The following COL24A1 variants were observed in gnomAD, a reference collection of about 807,000 sequenced individuals.
COL24A1 encodes the protein collagen alpha-1(XXIV) chain.
A neutral mutation model predicts 253.9 loss-of-function variants in COL24A1; 224 were observed. That is an observed-to-expected ratio of 0.88 (90% CI 0.79 to 0.99). The LOEUF (loss-of-function observed/expected upper bound fraction) is 0.99, where lower values mean the gene tolerates loss of function less well. Among genes scored for constraint, COL24A1 ranks in the 50% least tolerant of loss-of-function variants. The pLI is 0.00. For synonymous variants in COL24A1, 685 were observed against 673.7 expected, an observed-to-expected ratio of 1.02 and a Z score of -0.26; for missense variants, 2,131 against 2,068.5, an observed-to-expected ratio of 1.03 and a Z score of -0.59.
At chr1:85,911,532 C>T (rs1571187901) in intron 24 of COL24A1, 99 bp from the exon 25 acceptor site, 1 of 962,006 alleles carries the variant, frequency 1.0e-6, no homozygotes, top group East Asian at 2.4e-5. Flanking sequence ...TTCTTTCTAA[C>T]TTATCCTAAA....
chr1:85,855,926 T>C (rs1027579837), intron 37 of COL24A1, among the ~76,000 whole-genome samples: 6 of 152,014 alleles, frequency 3.9e-5, no homozygotes, highest in Admixed American at 2.0e-4. Context: ...TCTTGGGAGG[T>C]TGTATGTTTC....
At position 85,907,221 on chromosome 1, in the gene COL24A1, A is replaced by G. The variant is rs1282647500; in HGVS notation, c.2751T>C (p.Pro917=). Residue 917 remains proline, a synonymous_variant, in exon 28 of 60, where the codon CCT becomes CCC. Transcript: ENST00000370571. Reference sequence around the variant, plus strand: ...TTTGTCCTTTAGGACCTTGACTCCCAGGTGGTCCTCTTGCCCCCACATGAC... The same window carrying G: ...TTTGTCCTTTAGGACCTTGACTCCCGGGTGGTCCTCTTGCCCCCACATGAC... ...LPGHVGARGP[P]GSQGPKGQRG... is the part of the protein sequence containing the mutation. 6.2e-7 allele frequency: 1 copy of G among 1,611,494 alleles called. No homozygotes were observed. Among genetic ancestry groups the G allele is most frequent in the Non-Finnish European group, 8.5e-7 (1 of 1,178,184 alleles).
intron 20 of COL24A1, among the ~76,000 whole-genome samples, chr1:85,972,355 CTCTATACTT>C (rs554976736): frequency 1.8e-3 from 271 of 152,122 alleles, no homozygotes; most frequent in African/African-American, 5.9e-3. Flanking sequence ...TTATATTTTG[CTCTATACTT>C]TCTATACTTT....
intron 5 of COL24A1, among the ~76,000 whole-genome samples, chr1:86,092,996 C>T (rs573746652): frequency 6.6e-6 from 1 of 152,016 alleles, no homozygotes; most frequent in South Asian, 2.1e-4. Context: ...AACAATTTGT[C>T]ATATCTCAAA....
intron 47 of COL24A1, among the ~76,000 whole-genome samples, chr1:85,787,794 G>A (rs942358335): frequency 1.3e-5 from 2 of 152,108 alleles, no homozygotes; most frequent in South Asian, 2.1e-4. Flanking sequence ...TAAGGTCTTC[G>A]AGGAATCACC....
At chr1:85,957,628 A>G (rs1462710061) in intron 24 of COL24A1, among the ~76,000 whole-genome samples, 3 of 152,144 alleles carry the variant, frequency 2.0e-5, no homozygotes. Context: ...TGTTATCTCA[A>G]ATATCTTCCA....
chr1:85,981,000 A>C (rs1693201592), intron 20 of COL24A1, among the ~76,000 whole-genome samples: 1 of 152,228 alleles, frequency 6.6e-6, no homozygotes, highest in Non-Finnish European at 1.5e-5. Flanking sequence ...GAAATCATAG[A>C]TGACATAAGC....
At chr1:86,066,749 T>G (rs554850908) in intron 7 of COL24A1, among the ~76,000 whole-genome samples, 1 of 152,324 alleles carries the variant, frequency 6.6e-6, no homozygotes, top group South Asian at 2.1e-4. Context: ...TGCTAATTTT[T>G]TATTGCTTAA....
At chr1:85,916,306 AGTTT>A (rs1392125096) in intron 24 of COL24A1, among the ~76,000 whole-genome samples, 2 of 152,122 alleles carry the variant, frequency 1.3e-5, no homozygotes, top group Non-Finnish European at 2.9e-5. Context: ...AGGGCATCTG[AGTTT>A]TTTACTTCAT....
chr1:85,910,586 T>G (rs1412747762), intron 25 of COL24A1, among the ~76,000 whole-genome samples: 1 of 152,014 alleles, frequency 6.6e-6, no homozygotes, highest in Admixed American at 6.6e-5. Context: ...AATAACTAAT[T>G]GGGTGAAAAA....
intron 24 of COL24A1, among the ~76,000 whole-genome samples, chr1:85,934,867 G>A (rs1225848890): frequency 6.6e-6 from 1 of 151,842 alleles, no homozygotes; most frequent in Non-Finnish European, 1.5e-5. Flanking sequence ...CAGTCACTGA[G>A]CCATAGCCAG....
At chr1:85,840,381 G>T (rs918947493) in intron 42 of COL24A1, among the ~76,000 whole-genome samples, 8 of 151,998 alleles carry the variant, frequency 5.3e-5, no homozygotes, top group African/African-American at 1.9e-4. Flanking sequence ...CTCTATATGA[G>T]ATGGCTTGAT....
intron 10 of COL24A1, among the ~76,000 whole-genome samples, chr1:86,055,957 A>G (rs1559139145): frequency 1.3e-5 from 2 of 151,948 alleles, no homozygotes; most frequent in African/African-American, 4.8e-5. Context: ...ATCTCTACTA[A>G]AAATACAAAA....
chr1:86,118,728 T>A lies in COL24A1; in HGVS notation c.1492-3350A>T, dbSNP rs765677427. On this transcript the variant is annotated intron_variant, in intron 3 of 59. Coordinates refer to ENST00000370571, the MANE Select transcript of COL24A1 (RefSeq NM_152890.7). ...GGTGGACCTAATTTATATTGTGATG[T>A]CAGAGAAGGCTTTTCTGAAGAAGTA... is the stretch of plus-strand genomic sequence containing the variant. Among the ~76,000 whole-genome samples the A allele has an allele frequency of 3.4e-4, 51 of 152,164 alleles. 1 individual carries two copies. Among genetic ancestry groups the A allele is most frequent in the Non-Finnish European group, 7.3e-5 (5 of 68,030 alleles).
intron 5 of COL24A1, among the ~76,000 whole-genome samples, chr1:86,101,868 T>C (rs1186448144): frequency 6.6e-6 from 1 of 152,050 alleles, no homozygotes; most frequent in Non-Finnish European, 1.5e-5. Flanking sequence ...CTCTGCCAGG[T>C]TTTAGTATCG....
At chr1:85,803,284 G>C (rs1671622209) in intron 47 of COL24A1, among the ~76,000 whole-genome samples, 1 of 151,990 alleles carries the variant, frequency 6.6e-6, no homozygotes, top group Non-Finnish European at 1.5e-5. Flanking sequence ...AAAAATTTTA[G>C]TTAGATATGG....
chr1:85,843,978 A>C (rs1023797246), intron 39 of COL24A1, among the ~76,000 whole-genome samples: 1 of 152,152 alleles, frequency 6.6e-6, no homozygotes, highest in African/African-American at 2.4e-5. Flanking sequence ...AACAGATCTC[A>C]AAATCTGTTT....
intron 58 of COL24A1, among the ~76,000 whole-genome samples, chr1:85,735,906 A>G (rs141534921): frequency 2.4e-3 from 366 of 152,258 alleles, no homozygotes; most frequent in African/African-American, 7.8e-3. Flanking sequence ...TAACAACAAA[A>G]AGAAAAACAG....
intron 53 of COL24A1, among the ~76,000 whole-genome samples, chr1:85,772,194 T>A (rs1366585393): frequency 3.3e-5 from 5 of 151,788 alleles, no homozygotes; most frequent in Non-Finnish European, 5.9e-5. Context: ...TAATCCAGTC[T>A]ATCATTGTTG....
Sources: gnomAD v4.1 joint callset for allele counts (sites outside exome capture counted in the v4.1 genomes callset) on GRCh38, gnomAD v4.1.1 for gene constraint, MANE v1.5 for transcripts, NCBI Gene and HGNC (gene_info 2026-07-23, HGNC 2026-07-21) for gene names.